Variants in ITSN2 observed in about 807,000 individuals in gnomAD.
The protein encoded by ITSN2 is intersectin 2, also known as intersectin-2.
Under a neutral mutation model 243.7 loss-of-function variants are expected in ITSN2, and 156 were observed. The observed-to-expected ratio is 0.64, with a 90% CI of 0.56 to 0.73. The LOEUF (loss-of-function observed/expected upper bound fraction) is 0.73, where lower values mean the gene tolerates loss of function less well. Ranked by LOEUF, ITSN2 falls within the 30% of genes least tolerant of loss-of-function variation. The probability of loss-of-function intolerance (pLI) is 0.00; values close to 1 mark genes in which losing one functional copy is unlikely to be tolerated. For synonymous variants in ITSN2, 703 were observed against 699.9 expected, an observed-to-expected ratio of 1.00 and a Z score of -0.07; for missense variants, 1,801 against 1,996.1, an observed-to-expected ratio of 0.90 and a Z score of 1.86.
In ITSN2 at chr2:24,216,976, C is replaced by A. The variant is rs954494961; in HGVS notation, c.3807-744G>T. 6.6e-5 allele frequency among the ~76,000 whole-genome samples: 10 copies of A among 151,854 alleles called. No homozygotes were observed. The East Asian group carries it at 1.9e-3, about 29-fold the overall frequency. ...GGTGGGCGCCTGTATCCCAGCTACT[C>A]GGGAGGCTGAGGCAGGAGAATGGCG... On this transcript the variant is annotated intron_variant, in intron 31 of 39. Transcript: ENST00000355123.
rs375901227 is a variant in ITSN2 at position 24,208,324 on chromosome 2, G to T, written c.4596-5C>A. The T allele has an allele frequency of 6.8e-6, 11 of 1,610,570 alleles. No individual in the cohort carries two copies. The highest frequency in any genetic ancestry group is 9.3e-6 in the Non-Finnish European group (11 of 1,179,058). On this transcript the variant is annotated splice_polypyrimidine_tract_variant and splice_region_variant and intron_variant, in intron 36 of 39. Transcript: ENST00000355123. Reference sequence around the variant, plus strand: ...ATCTTCTGCACCCAGGCGGTCCTACGGGAGAAGCAGGGGCAGCCGTTGGCC... The same window carrying T: ...ATCTTCTGCACCCAGGCGGTCCTACTGGAGAAGCAGGGGCAGCCGTTGGCC...
intron 2 of ITSN2, among the ~76,000 whole-genome samples, chr2:24,322,291 G>C (rs1393979223): frequency 6.6e-6 from 1 of 152,180 alleles, no homozygotes; most frequent in East Asian, 1.9e-4. Context: ...GTTTATCAGA[G>C]AAGGAAACAG....
chr2:24,359,649 T>C (rs969893689), intron 1 of ITSN2, among the ~76,000 whole-genome samples: 1 of 152,034 alleles, frequency 6.6e-6, no homozygotes, highest in East Asian at 1.9e-4. Flanking sequence ...AATAAATAAA[T>C]ACACAAATAA....
At position 24,327,939 on chromosome 2, in the gene ITSN2, C is replaced by T. The variant is rs1685334626; in HGVS notation, c.31+113G>A. Reference sequence around the variant, plus strand: ...TCCAAAATATTTTCCAAGAATACTTCAAGTTTTGTATTTATACACTTAAGG... The same window carrying T: ...TCCAAAATATTTTCCAAGAATACTTTAAGTTTTGTATTTATACACTTAAGG... On this transcript the variant is annotated intron_variant, in intron 2 of 39. Transcript: ENST00000355123. The T allele has an allele frequency of 5.5e-6, 5 of 906,978 alleles. No homozygotes were observed. In the South Asian group the frequency reaches 7.9e-5, roughly 14 times the overall value. 56.2% of individuals were successfully genotyped at this position (906,978 alleles called of 1,614,324 possible). A position where few individuals can be genotyped will look rare whatever the true frequency, so the allele number is the denominator to read the frequency against.
Position 24,261,609 on chromosome 2 carries a change from G to A in ITSN2, c.2489C>T (p.Ala830Val). The part of the protein sequence containing the change: ...ENEKAVSPKK[A>V]LLPPTVSLSA... Reference sequence around the variant, plus strand: ...TAAAGAAACTGTAGGAGGAAGTAAGGCCTTCTTTGGAGATACAGCTTTTTC... The same window carrying A: ...TAAAGAAACTGTAGGAGGAAGTAAGACCTTCTTTGGAGATACAGCTTTTTC... The change falls in exon 21 of 40, where the codon GCC becomes GTC. Residue 830 changes from alanine to valine, a missense_variant. This residue lies in a region of ITSN2 where 928 missense variants were observed against 1,065.4 expected (regional missense o/e 0.87). Transcript: ENST00000355123. 1.2e-6 allele frequency: 2 copies of A among 1,613,516 alleles called. No homozygotes were observed. The highest frequency in any genetic ancestry group is 1.7e-6 in the Non-Finnish European group (2 of 1,179,600).
intron 1 of ITSN2, among the ~76,000 whole-genome samples, chr2:24,338,303 T>C (rs558208149): frequency 5.9e-5 from 9 of 152,350 alleles, no homozygotes; most frequent in Admixed American, 5.9e-4. Context: ...AATCTACCTA[T>C]AAACTGGAAT....
chr2:24,343,388 T>C (rs1687227529), intron 1 of ITSN2, among the ~76,000 whole-genome samples: 1 of 152,184 alleles, frequency 6.6e-6, no homozygotes, highest in Admixed American at 6.5e-5. Context: ...GCTTTTTTCA[T>C]GTTACCAATT....
intron 29 of ITSN2, among the ~76,000 whole-genome samples, chr2:24,238,428 T>C (rs1467648290): frequency 6.6e-6 from 1 of 152,232 alleles, no homozygotes; most frequent in African/African-American, 2.4e-5. Context: ...TTTAGATCCA[T>C]ATCTTTCTTT....
chr2:24,316,576 C>G (rs1683963697), intron 2 of ITSN2, among the ~76,000 whole-genome samples: 1 of 152,226 alleles, frequency 6.6e-6, no homozygotes, highest in African/African-American at 2.4e-5. Flanking sequence ...CCACCACGCC[C>G]AGACAGTTTT....
At chr2:24,297,415 C>A (rs1681108293) in intron 13 of ITSN2, among the ~76,000 whole-genome samples, 1 of 152,162 alleles carries the variant, frequency 6.6e-6, no homozygotes, top group Admixed American at 6.5e-5. Context: ...AACAACTTGA[C>A]CCTCTAACAT....
chr2:24,294,304 T>C (rs1291849407), intron 14 of ITSN2, among the ~76,000 whole-genome samples: 2 of 152,170 alleles, frequency 1.3e-5, no homozygotes, highest in Non-Finnish European at 2.9e-5. Flanking sequence ...TGGGTGCCTG[T>C]AATCCCAGCT....
At chr2:24,275,334 G>A (rs577244567) in intron 18 of ITSN2, among the ~76,000 whole-genome samples, 9 of 152,312 alleles carry the variant, frequency 5.9e-5, no homozygotes, top group South Asian at 4.1e-4. Flanking sequence ...GACTACAGGC[G>A]TGTGTCACCA....
intron 29 of ITSN2, among the ~76,000 whole-genome samples, chr2:24,236,042 G>C (rs76172309): frequency 0.19 from 29,304 of 152,128 alleles, 3,272 homozygotes; most frequent in Non-Finnish European, 0.26. Context: ...ACAAAAACTT[G>C]TAGACAAATG....
intron 8 of ITSN2, among the ~76,000 whole-genome samples, chr2:24,306,614 AG>A (rs1412047477): frequency 6.6e-6 from 1 of 152,180 alleles, no homozygotes; most frequent in African/African-American, 2.4e-5. Context: ...ATGAACATTT[AG>A]GTTGTGAACA....
At chr2:24,222,192 C>T (rs1276849017) in intron 29 of ITSN2, among the ~76,000 whole-genome samples, 1 of 136,892 alleles carries the variant, frequency 7.3e-6, no homozygotes, top group African/African-American at 2.8e-5. Context: ...GTGGAGGTTG[C>T]AGTGAGCCGA....
intron 29 of ITSN2, among the ~76,000 whole-genome samples, chr2:24,227,270 T>C (rs1052010745): frequency 1.5e-5 from 2 of 133,310 alleles, no homozygotes; most frequent in Non-Finnish European, 3.1e-5. Flanking sequence ...CCAAGTCTCA[T>C]TAAAGATGAG....
chr2:24,267,426 A>G (rs1439936627), intron 20 of ITSN2, among the ~76,000 whole-genome samples: 3 of 152,140 alleles, frequency 2.0e-5, no homozygotes, highest in Non-Finnish European at 4.4e-5. Flanking sequence ...AATCACCGTA[A>G]GCTATGAGTA....
At chr2:24,264,243 T>C (rs1416475605) in intron 20 of ITSN2, among the ~76,000 whole-genome samples, 21 of 151,784 alleles carry the variant, frequency 1.4e-4, no homozygotes, top group Admixed American at 1.4e-3. Flanking sequence ...AATACAAAAT[T>C]AGCCAGGCAT....
At chr2:24,281,318 C>A (rs531577306) in intron 17 of ITSN2, among the ~76,000 whole-genome samples, 36 of 152,226 alleles carry the variant, frequency 2.4e-4, no homozygotes, top group Non-Finnish European at 4.4e-4. Context: ...GCGTGAGACA[C>A]CACGCCCAGC....
Sources: allele counts gnomAD v4.1 joint callset (sites outside exome capture counted in the v4.1 genomes callset), GRCh38; gene constraint gnomAD v4.1.1; regional missense constraint gnomAD v4.1.1; transcripts MANE v1.5; gene names NCBI Gene and HGNC (gene_info 2026-07-23, HGNC 2026-07-21).